MYCBP2: variants seen among roughly 807,000 people sequenced by gnomAD.
The protein encoded by MYCBP2 is MYC binding protein 2, also known as E3 ubiquitin-protein ligase MYCBP2.
Under a neutral mutation model 525.3 loss-of-function variants are expected in MYCBP2, and 120 were observed. That is an observed-to-expected ratio of 0.23 (90% CI 0.20 to 0.27). The LOEUF (loss-of-function observed/expected upper bound fraction) is 0.27. MYCBP2 is among the 10% of genes least tolerant of loss of function. The pLI is 1.00. For synonymous variants in MYCBP2, 1,894 were observed against 1,955.8 expected, an observed-to-expected ratio of 0.97 and a Z score of 0.83; for missense variants, 4,149 against 5,657.1, an observed-to-expected ratio of 0.73 and a Z score of 8.55.
intron 20 of MYCBP2, among the ~76,000 whole-genome samples, chr13:77,220,689 G>C (rs1360980686): frequency 2.0e-5 from 3 of 152,042 alleles, no homozygotes; most frequent in East Asian, 1.9e-4. Flanking sequence ...TAATACATAT[G>C]CTATAGAAGC....
chr13:77,226,796 A>T (rs1254706842), intron 18 of MYCBP2, among the ~76,000 whole-genome samples: 1 of 152,152 alleles, frequency 6.6e-6, no homozygotes, highest in Non-Finnish European at 1.5e-5. Context: ...TCTTTACGAC[A>T]CTAGGACAGT....
chr13:77,109,327 C>T (rs2048385969), intron 55 of MYCBP2, among the ~76,000 whole-genome samples: 1 of 152,172 alleles, frequency 6.6e-6, no homozygotes, highest in South Asian at 2.1e-4. Flanking sequence ...CCCTTGCATG[C>T]ACAGTTCATA....
chr13:77,229,737 C>T (rs992354189), intron 18 of MYCBP2, among the ~76,000 whole-genome samples: 1 of 152,128 alleles, frequency 6.6e-6, no homozygotes, highest in Non-Finnish European at 1.5e-5. Flanking sequence ...AGACATTTTG[C>T]ACAGCCATGT....
chr13:77,205,612 G>T lies in MYCBP2; in HGVS notation c.3590-14C>A. 6.2e-7 allele frequency: 1 copy of T among 1,601,930 alleles called. No individual in the cohort carries two copies. ...TATCAAGACAACCTAAAACAACAAAGAAACAAAATTTAACTCCTTGAAATT... is the reference window on the plus strand; with the variant it reads ...TATCAAGACAACCTAAAACAACAAATAAACAAAATTTAACTCCTTGAAATT... On this transcript the variant is annotated splice_polypyrimidine_tract_variant and intron_variant, in intron 24 of 82. Coordinates refer to ENST00000544440, the MANE Select transcript of MYCBP2 (RefSeq NM_015057.5).
At chr13:77,168,891 T>C (rs2058820896) in intron 39 of MYCBP2, among the ~76,000 whole-genome samples, 1 of 152,226 alleles carries the variant, frequency 6.6e-6, no homozygotes, top group East Asian at 1.9e-4. Flanking sequence ...AAATCAGGTT[T>C]TACTTAATTA....
intron 1 of MYCBP2, among the ~76,000 whole-genome samples, chr13:77,316,430 A>G (rs1301840431): frequency 1.3e-5 from 2 of 152,198 alleles, no homozygotes; most frequent in Non-Finnish European, 1.5e-5. Context: ...GAACTAGGGA[A>G]GAGTCTGTAG....
intron 26 of MYCBP2, among the ~76,000 whole-genome samples, chr13:77,197,841 A>G (rs548212329): frequency 6.6e-6 from 1 of 152,378 alleles, no homozygotes; most frequent in Admixed American, 6.5e-5. Context: ...CACTCACTGG[A>G]TAATTGAATA....
In MYCBP2 at chr13:77,169,650, TATA is replaced by T; in HGVS notation, c.5856_5858del (p.Ile1953del). Reference sequence around the variant, plus strand: ...CAGCAGCTACTGGTCCTATGTAGGCTATAATAAGGGGGAGCAGCATGGAAAACA... The same window carrying T: ...CAGCAGCTACTGGTCCTATGTAGGCTATAAGGGGGAGCAGCATGGAAAACA... On this transcript the variant is annotated inframe_deletion, in exon 39 of 83. Transcript: ENST00000544440. 6.2e-7 allele frequency: 1 copy of T among 1,613,912 alleles called. No individual in the cohort carries two copies.
intron 54 of MYCBP2, among the ~76,000 whole-genome samples, chr13:77,123,329 A>G (rs1312991851): frequency 2.0e-5 from 3 of 152,224 alleles, no homozygotes; most frequent in Non-Finnish European, 4.4e-5. Flanking sequence ...ATCAAGAGTA[A>G]AAGATGATTA....
intron 13 of MYCBP2, among the ~76,000 whole-genome samples, chr13:77,260,157 T>C (rs944537340): frequency 1.3e-5 from 2 of 152,206 alleles, no homozygotes; most frequent in African/African-American, 2.4e-5. Flanking sequence ...CATAAGCACC[T>C]GAGTCTAGGG....
At chr13:77,318,075 A>G (rs1029339370) in intron 1 of MYCBP2, among the ~76,000 whole-genome samples, 2 of 152,190 alleles carry the variant, frequency 1.3e-5, no homozygotes, top group African/African-American at 4.8e-5. Flanking sequence ...CTCAAACAGT[A>G]GTCCTGGGTG....
intron 40 of MYCBP2, 63 bp downstream of exon 40, chr13:77,168,365 G>T: frequency 7.4e-7 from 1 of 1,360,188 alleles, no homozygotes. Context: ...CATTCTTTAA[G>T]ATATCATCAG....
intron 79 of MYCBP2, 111 bp downstream of exon 79, chr13:77,056,875 T>C: frequency 1.4e-6 from 1 of 731,862 alleles, no homozygotes; most frequent in Non-Finnish European, 2.3e-6. Flanking sequence ...GGGAAGAAAC[T>C]GCTAGGGGCT....
intron 47 of MYCBP2, among the ~76,000 whole-genome samples, chr13:77,147,351 G>T (rs2055764067): frequency 6.6e-6 from 1 of 151,968 alleles, no homozygotes; most frequent in Non-Finnish European, 1.5e-5. Flanking sequence ...ATAACAAAAT[G>T]ACCTGAAACA....
chr13:77,117,780 T>A (rs2050031721), intron 55 of MYCBP2, among the ~76,000 whole-genome samples: 2 of 152,134 alleles, frequency 1.3e-5, no homozygotes, highest in African/African-American at 4.8e-5. Flanking sequence ...TAAGTATAAT[T>A]TTTTTGGGTA....
intron 82 of MYCBP2, among the ~76,000 whole-genome samples, chr13:77,048,704 A>T (rs1044567360): frequency 3.9e-5 from 6 of 152,070 alleles, no homozygotes; most frequent in African/African-American, 7.2e-5. Flanking sequence ...AATGGAGCAA[A>T]TATGTGTGAA....
chr13:77,063,220 C>CT (rs2039616327), intron 73 of MYCBP2, among the ~76,000 whole-genome samples: 1 of 152,070 alleles, frequency 6.6e-6, no homozygotes, highest in Non-Finnish European at 1.5e-5. Flanking sequence ...ACTTGGTGCA[C>CT]TTTGTCAGAA....
intron 1 of MYCBP2, among the ~76,000 whole-genome samples, chr13:77,319,026 T>C (rs1234313912): frequency 1.3e-5 from 2 of 152,232 alleles, no homozygotes; most frequent in East Asian, 3.8e-4. Flanking sequence ...TATTGCTGTG[T>C]TTCCTTTAAA....
At chr13:77,215,101 G>A (rs552754856) in intron 21 of MYCBP2, among the ~76,000 whole-genome samples, 5 of 152,226 alleles carry the variant, frequency 3.3e-5, no homozygotes, top group Non-Finnish European at 7.4e-5. Context: ...GATATGGGAG[G>A]AAGTGACACC....
Sources: allele counts gnomAD v4.1 joint callset (sites outside exome capture counted in the v4.1 genomes callset), GRCh38; gene constraint gnomAD v4.1.1; transcripts MANE v1.5; gene names NCBI Gene and HGNC (gene_info 2026-07-23, HGNC 2026-07-21).